HLCS: variants seen among roughly 807,000 people sequenced by gnomAD.
HLCS encodes holocarboxylase synthetase.
A neutral mutation model predicts 75.0 loss-of-function variants in HLCS; 53 were observed. The ratio of observed to expected loss-of-function variants is 0.71; its 90% CI spans 0.57 to 0.89. The LOEUF is 0.89. HLCS is among the 40% of genes least tolerant of loss of function. The probability of loss-of-function intolerance (pLI) is 0.00; values close to 1 mark genes in which losing one functional copy is unlikely to be tolerated. For synonymous variants in HLCS, 431 were observed against 428.6 expected (o/e 1.01, Z -0.07); for missense variants, 966 against 1,074.0 (o/e 0.90, Z 1.41).
intron 1 of HLCS, 21 bp downstream of exon 1, chr21:36,966,423 C>CCGGG: frequency 2.2e-6 from 1 of 458,632 alleles, no homozygotes; most frequent in Non-Finnish European, 2.9e-6. Flanking sequence ...CCCGGGTCGC[C>CCGGG]CGCCCGCCCG....
chr21:36,756,902 AGTGACAT>A (rs561052469), intron 9 of HLCS, 147 bp from the exon 10 acceptor site: 169 of 1,514,134 alleles, frequency 1.1e-4, no homozygotes, highest in Non-Finnish European at 1.4e-4. Context: ...CCACTTGAAG[AGTGACAT>A]GTATTTCTGT....
chr21:36,893,833 A>AAT, intron 6 of HLCS, among the ~76,000 whole-genome samples: 1 of 152,350 alleles, frequency 6.6e-6, no homozygotes, highest in East Asian at 1.9e-4. Flanking sequence ...TGCACTAAAA[A>AAT]ATAATGTATG....
chr21:36,919,066 C>T (rs1015227199), intron 5 of HLCS, among the ~76,000 whole-genome samples: 13 of 152,092 alleles, frequency 8.5e-5, no homozygotes, highest in African/African-American at 2.9e-4. Context: ...TTCAGAGACA[C>T]ATACTAAAAT....
At chr21:36,807,402 C>T (rs1420225394) in intron 6 of HLCS, among the ~76,000 whole-genome samples, 3 of 152,208 alleles carry the variant, frequency 2.0e-5, no homozygotes, top group Non-Finnish European at 2.9e-5. Flanking sequence ...CCCACAAAAG[C>T]GAGAGCATCT....
chr21:36,934,129 T>C (rs374985575), intron 4 of HLCS, among the ~76,000 whole-genome samples: 1 of 152,212 alleles, frequency 6.6e-6, no homozygotes, highest in Non-Finnish European at 1.5e-5. Flanking sequence ...ACAGAGGTAC[T>C]GGACTAGAAT....
At chr21:36,798,627 T>C (rs1413425915) in intron 6 of HLCS, among the ~76,000 whole-genome samples, 2 of 152,248 alleles carry the variant, frequency 1.3e-5, no homozygotes, top group African/African-American at 4.8e-5. Context: ...CAAAAGTGGC[T>C]GTTATCATTC....
intron 6 of HLCS, among the ~76,000 whole-genome samples, chr21:36,853,273 C>T (rs1184356270): frequency 6.6e-6 from 1 of 152,160 alleles, no homozygotes; most frequent in South Asian, 2.1e-4. Flanking sequence ...ACACAAAGCT[C>T]TATCTTTAAA....
intron 6 of HLCS, among the ~76,000 whole-genome samples, chr21:36,797,390 A>AT (rs1163698838): frequency 2.0e-5 from 3 of 151,672 alleles, no homozygotes; most frequent in Non-Finnish European, 2.9e-5. Context: ...AATAATATTT[A>AT]TTTTTTATTA....
intron 6 of HLCS, among the ~76,000 whole-genome samples, chr21:36,830,360 C>A (rs2062160179): frequency 6.6e-6 from 1 of 152,204 alleles, no homozygotes. Flanking sequence ...CCCATCCAGT[C>A]CTGTGGTAAC....
chr21:36,769,090 GA>G, intron 6 of HLCS, among the ~76,000 whole-genome samples: 1 of 152,174 alleles, frequency 6.6e-6, no homozygotes, highest in Non-Finnish European at 1.5e-5. Context: ...GGAGGGGCAG[GA>G]AAAAGGTTGG....
chr21:36,944,544 C>G (rs1325068876), intron 2 of HLCS, among the ~76,000 whole-genome samples: 1 of 152,122 alleles, frequency 6.6e-6, no homozygotes, highest in Non-Finnish European at 1.5e-5. Flanking sequence ...TAATATACAA[C>G]AAAACTAGTA....
chr21:36,792,481 GGGAAGGGAT>G (rs1369564993), intron 6 of HLCS, among the ~76,000 whole-genome samples: 1 of 146,514 alleles, frequency 6.8e-6, no homozygotes. Flanking sequence ...GAGAGGGGGA[GGGAAGGGAT>G]GGAAGGGAAG....
chr21:36,818,716 C>T (rs1440929660), intron 6 of HLCS, among the ~76,000 whole-genome samples: 4 of 152,144 alleles, frequency 2.6e-5, no homozygotes, highest in Non-Finnish European at 5.9e-5. Flanking sequence ...CTTGGAGGAG[C>T]GGCGGTATTT....
intron 6 of HLCS, among the ~76,000 whole-genome samples, chr21:36,847,342 C>G (rs944098082): frequency 6.6e-6 from 1 of 152,148 alleles, no homozygotes; most frequent in African/African-American, 2.4e-5. Flanking sequence ...TAGCAGCACG[C>G]TAGAATCAAC....
At chr21:36,809,711 T>C in intron 6 of HLCS, among the ~76,000 whole-genome samples, 1 of 152,186 alleles carries the variant, frequency 6.6e-6, no homozygotes. Context: ...ATAGTGAGCA[T>C]ATATCATGTT....
At chr21:36,823,476 T>C (rs766204651) in intron 6 of HLCS, among the ~76,000 whole-genome samples, 3 of 152,160 alleles carry the variant, frequency 2.0e-5, no homozygotes, top group Non-Finnish European at 4.4e-5. Context: ...AAACACGAAC[T>C]TGTTAACCTC....
chr21:36,865,633 G>A (rs1435098633), intron 6 of HLCS, among the ~76,000 whole-genome samples: 1 of 152,118 alleles, frequency 6.6e-6, no homozygotes, highest in Non-Finnish European at 1.5e-5. Flanking sequence ...TTTAAGCAGA[G>A]GGTCATCATT....
At chr21:36,767,372 T>A in intron 6 of HLCS, 87 bp from the exon 7 acceptor site, 1 of 1,316,682 alleles carries the variant, frequency 7.6e-7, no homozygotes, top group Non-Finnish European at 1.1e-6. Flanking sequence ...AGGGTTTGCA[T>A]GCATCTGGGG....
intron 4 of HLCS, among the ~76,000 whole-genome samples, chr21:36,933,843 C>T (rs548878319): frequency 6.6e-6 from 1 of 152,182 alleles, no homozygotes; most frequent in African/African-American, 2.4e-5. Flanking sequence ...AGCCAAGATG[C>T]ACACGCAGTG....
Sources: gnomAD v4.1 joint callset for allele counts (sites outside exome capture counted in the v4.1 genomes callset) on GRCh38, gnomAD v4.1.1 for gene constraint, MANE v1.5 for transcripts, NCBI Gene and HGNC (gene_info 2026-07-23, HGNC 2026-07-21) for gene names.